ANKS1B: variants seen among roughly 807,000 people sequenced by gnomAD.
The protein encoded by ANKS1B is ankyrin repeat and sterile alpha motif domain containing 1B, also known as ankyrin repeat and sterile alpha motif domain-containing protein 1B.
ANKS1B carries 36 observed loss-of-function variants against 148.3 expected under a neutral mutation model. The observed-to-expected ratio is 0.24, with a 90% CI of 0.19 to 0.32. The LOEUF (loss-of-function observed/expected upper bound fraction) is 0.32, where lower values mean the gene tolerates loss of function less well. Among genes scored for constraint, ANKS1B ranks in the 10% least tolerant of loss-of-function variants. ANKS1B has a pLI of 1.00. For synonymous variants in ANKS1B, 542 were observed against 560.8 expected (o/e 0.97, Z 0.47); for missense variants, 1,157 against 1,542.6 (o/e 0.75, Z 4.19).
chr12:99,853,175 G>A (rs1044322310), intron 1 of ANKS1B, among the ~76,000 whole-genome samples: 9 of 152,020 alleles, frequency 5.9e-5, no homozygotes, highest in Non-Finnish European at 2.9e-5. Flanking sequence ...GAGCGCTATG[G>A]CCCCACCCAC....
chr12:99,893,826 T>C (rs918806524), intron 1 of ANKS1B, among the ~76,000 whole-genome samples: 4 of 152,138 alleles, frequency 2.6e-5, no homozygotes, highest in African/African-American at 7.2e-5. Flanking sequence ...ATTTTGTCCT[T>C]TTTTATGGCT....
chr12:99,094,368 A>G (rs992561305), intron 15 of ANKS1B, among the ~76,000 whole-genome samples: 1 of 152,248 alleles, frequency 6.6e-6, no homozygotes, highest in Non-Finnish European at 1.5e-5. Flanking sequence ...ATATACAATT[A>G]TTATCCTTAT....
intron 22 of ANKS1B, among the ~76,000 whole-genome samples, chr12:98,796,091 C>T (rs917722411): frequency 1.3e-5 from 2 of 152,152 alleles, no homozygotes; most frequent in Non-Finnish European, 2.9e-5. Flanking sequence ...GGTAATACTT[C>T]TACCACTTTG....
intron 1 of ANKS1B, among the ~76,000 whole-genome samples, chr12:99,948,597 G>A (rs2095133987): frequency 6.6e-6 from 1 of 152,164 alleles, no homozygotes; most frequent in Admixed American, 6.5e-5. Flanking sequence ...CCATCTGATT[G>A]AGAATTCAGA....
intron 17 of ANKS1B, among the ~76,000 whole-genome samples, chr12:98,845,353 A>C (rs201392): frequency 2.0e-5 from 3 of 151,980 alleles, no homozygotes; most frequent in Non-Finnish European, 1.5e-5. Context: ...TCTCCCAGAG[A>C]TGCTGTGTGG....
intron 15 of ANKS1B, among the ~76,000 whole-genome samples, chr12:99,119,621 A>G (rs560656136): frequency 6.6e-6 from 1 of 152,298 alleles, no homozygotes; most frequent in African/African-American, 2.4e-5. Flanking sequence ...GCATCCTTCC[A>G]TGTGAAGCAT....
At chr12:99,513,413 T>G (rs1289910516) in intron 9 of ANKS1B, among the ~76,000 whole-genome samples, 2 of 152,094 alleles carry the variant, frequency 1.3e-5, no homozygotes, top group African/African-American at 4.8e-5. Context: ...AGAATTACAC[T>G]GTCTTGATTA....
chr12:98,748,478 TG>T (rs1349438798), intron 26 of ANKS1B, among the ~76,000 whole-genome samples: 1 of 152,234 alleles, frequency 6.6e-6, no homozygotes, highest in Non-Finnish European at 1.5e-5. Flanking sequence ...CAGGTCTGCC[TG>T]CCCTGTCCTA....
intron 1 of ANKS1B, among the ~76,000 whole-genome samples, chr12:99,854,571 AG>A: frequency 6.6e-6 from 1 of 152,222 alleles, no homozygotes; most frequent in Non-Finnish European, 1.5e-5. Flanking sequence ...CATCGCAAAA[AG>A]ATCATCACGT....
In ANKS1B at chr12:98,745,499, T is replaced by A; in HGVS notation, c.*240A>T. The A allele has an allele frequency of 8.5e-7, 1 of 1,171,686 alleles. No individual in the cohort carries two copies. The highest frequency in any genetic ancestry group is 1.1e-6 in the Non-Finnish European group (1 of 946,470). 72.6% of individuals were successfully genotyped at this position (1,171,686 alleles called of 1,614,324 possible). On this transcript the variant is annotated 3_prime_UTR_variant, in exon 27 of 27. Transcript: ENST00000683438. ...GTGGTGGGGAGGGGAGTCGGGAGCATCAGGGAAAACCCATCTCAACTCACG... is the reference window on the plus strand; with the variant it reads ...GTGGTGGGGAGGGGAGTCGGGAGCAACAGGGAAAACCCATCTCAACTCACG...
intron 8 of ANKS1B, among the ~76,000 whole-genome samples, chr12:99,698,914 G>T (rs1464180993): frequency 6.6e-6 from 1 of 152,028 alleles, no homozygotes; most frequent in Non-Finnish European, 1.5e-5. Flanking sequence ...TTATCAGATT[G>T]TGCTGGACTA....
At chr12:99,429,428 G>A (rs184791432) in intron 11 of ANKS1B, among the ~76,000 whole-genome samples, 99 of 152,278 alleles carry the variant, frequency 6.5e-4, no homozygotes, top group Admixed American at 1.3e-3. Flanking sequence ...ATTCAAATTT[G>A]TGATTGCTTT....
intron 17 of ANKS1B, among the ~76,000 whole-genome samples, chr12:98,838,343 T>C (rs1042467005): frequency 4.6e-5 from 7 of 152,248 alleles, no homozygotes; most frequent in Non-Finnish European, 8.8e-5. Flanking sequence ...AGAAAAGTCA[T>C]GTAGCAACAG....
At chr12:99,466,877 C>T (rs1484301381) in intron 10 of ANKS1B, among the ~76,000 whole-genome samples, 1 of 152,016 alleles carries the variant, frequency 6.6e-6, no homozygotes, top group Non-Finnish European at 1.5e-5. Flanking sequence ...GGAACTGGTA[C>T]CATTCCTTCT....
intron 1 of ANKS1B, among the ~76,000 whole-genome samples, chr12:99,842,476 G>T (rs1333738082): frequency 6.6e-6 from 1 of 152,112 alleles, no homozygotes; most frequent in Non-Finnish European, 1.5e-5. Flanking sequence ...GCTCTGCTCA[G>T]TCAGTTTAGC....
intron 1 of ANKS1B, among the ~76,000 whole-genome samples, chr12:99,913,195 C>T (rs2094060895): frequency 6.6e-6 from 1 of 152,164 alleles, no homozygotes; most frequent in South Asian, 2.1e-4. Context: ...AAGCTTCCAC[C>T]ATGAAATTAC....
chr12:99,632,727 C>CTATATATATATATATATA lies in ANKS1B; in HGVS notation c.1272+22322_1272+22339dup, dbSNP rs3081654. On this transcript the variant is annotated intron_variant, in intron 9 of 26. Transcript: ENST00000683438. ...TTTGGCCTGTGTCTTCCTTTTCTTTCTATATATATATATATATATATATAT... is the reference window on the plus strand; with the variant it reads ...TTTGGCCTGTGTCTTCCTTTTCTTTCTATATATATATATATATATATATATATATATATATATATATAT... Among the ~76,000 whole-genome samples, 140 of 38,936 alleles carry CTATATATATATATATATA rather than the reference C, an allele frequency of 3.6e-3. 3 individuals carry two copies. The highest frequency in any genetic ancestry group is 5.6e-3 in the Non-Finnish European group (99 of 17,794). The allele number at this position is 38,936 out of a possible 152,430, so 25.5% of individuals were successfully genotyped here.
intron 9 of ANKS1B, among the ~76,000 whole-genome samples, chr12:99,561,575 G>A (rs910357268): frequency 2.0e-5 from 3 of 151,830 alleles, no homozygotes; most frequent in Non-Finnish European, 2.9e-5. Context: ...AAGCAGCAAC[G>A]TTCCTCAGGA....
At chr12:99,757,730 C>T (rs1317715318) in intron 8 of ANKS1B, among the ~76,000 whole-genome samples, 1 of 151,770 alleles carries the variant, frequency 6.6e-6, no homozygotes, top group Non-Finnish European at 1.5e-5. Context: ...ATATGTGGTG[C>T]ATATATATAT....
Sources: allele counts gnomAD v4.1 joint callset (sites outside exome capture counted in the v4.1 genomes callset), GRCh38; gene constraint gnomAD v4.1.1; transcripts MANE v1.5; gene names NCBI Gene and HGNC (gene_info 2026-07-23, HGNC 2026-07-21).